The following COG5 variants were observed in gnomAD, a reference collection of about 807,000 sequenced individuals.
COG5 encodes conserved oligomeric Golgi complex subunit 5.
In COG5, 86 loss-of-function variants were observed where a neutral mutation model predicts 110.4. The ratio of observed to expected loss-of-function variants is 0.78; its 90% confidence interval spans 0.65 to 0.93. The LOEUF is 0.93. Among genes scored for constraint, COG5 ranks in the 40% least tolerant of loss-of-function variants. The probability of loss-of-function intolerance (pLI) is 0.00; values close to 1 mark genes in which losing one functional copy is unlikely to be tolerated. For missense variants in COG5, 1,077 were observed against 987.0 expected, an observed-to-expected ratio of 1.09 and a Z score of -1.22; for synonymous variants, 360 against 334.6, an observed-to-expected ratio of 1.08 and a Z score of -0.83.
At chr7:107,242,368 A>C (rs987918240) in intron 17 of COG5, among the ~76,000 whole-genome samples, 9 of 152,318 alleles carry the variant, frequency 5.9e-5, no homozygotes, top group Admixed American at 3.3e-4. Context: ...ATCCGAGTCT[A>C]CTAGGGACTG....
At chr7:107,379,132 A>G in intron 7 of COG5, among the ~76,000 whole-genome samples, 1 of 152,218 alleles carries the variant, frequency 6.6e-6, no homozygotes, top group Non-Finnish European at 1.5e-5. Context: ...TTCTTAAAGA[A>G]AAGAATTTTC....
intron 10 of COG5, among the ~76,000 whole-genome samples, chr7:107,352,225 C>A (rs1303446529): frequency 1.4e-5 from 2 of 142,880 alleles, no homozygotes; most frequent in Admixed American, 7.3e-5. Flanking sequence ...AACCAAACAC[C>A]GCATGTTCTC....
chr7:107,504,753 T>C (rs149756226), intron 6 of COG5, among the ~76,000 whole-genome samples: 18 of 152,330 alleles, frequency 1.2e-4, no homozygotes, highest in African/African-American at 4.1e-4. Flanking sequence ...CAGGAATTTA[T>C]CCATTTCCTC....
chr7:107,361,304 T>C (rs1813092532), intron 10 of COG5, among the ~76,000 whole-genome samples: 1 of 152,106 alleles, frequency 6.6e-6, no homozygotes, highest in Non-Finnish European at 1.5e-5. Flanking sequence ...GATCTCAGAA[T>C]ATGGAAAATG....
rs546425712 is a variant in COG5, at chr7:107,422,075, C to T, written c.539-9443G>A. 2.0e-3 allele frequency among the ~76,000 whole-genome samples: 301 copies of T among 151,884 alleles called. 2 individuals carry two copies. Among genetic ancestry groups the T allele is most frequent in the African/African-American group, 6.9e-3 (284 of 41,422 alleles). On this transcript the variant is annotated intron_variant, in intron 6 of 21. Transcript: ENST00000297135. ...AAACTAGAAAAAAGGTAAAATAAAT[C>T]CAAAATTAGAACTAATAAAGAAGAT...
chr7:107,441,710 A>G (rs1313617199), intron 6 of COG5, among the ~76,000 whole-genome samples: 3 of 152,184 alleles, frequency 2.0e-5, no homozygotes, highest in African/African-American at 7.2e-5. Context: ...CATCTTCTGA[A>G]TTTTCACAGC....
chr7:107,384,464 C>T (rs1383634708), intron 7 of COG5, among the ~76,000 whole-genome samples: 5 of 152,074 alleles, frequency 3.3e-5, no homozygotes, highest in Admixed American at 1.3e-4. Context: ...TTTGAACTGC[C>T]GGGCAGGAAG....
intron 14 of COG5, among the ~76,000 whole-genome samples, chr7:107,265,867 C>G (rs990998890): frequency 6.6e-6 from 1 of 151,992 alleles, no homozygotes; most frequent in African/African-American, 2.4e-5. Context: ...CCAACCTGAG[C>G]AACATAGTGA....
chr7:107,342,341 TAA>T (rs1485456643), intron 10 of COG5, among the ~76,000 whole-genome samples: 2 of 69,366 alleles, frequency 2.9e-5, no homozygotes, highest in African/African-American at 5.6e-5. Context: ...ATAGCTATTA[TAA>T]AAGAGTCAAA....
chr7:107,342,483 G>C (rs1252094321), intron 10 of COG5, among the ~76,000 whole-genome samples: 6 of 151,586 alleles, frequency 4.0e-5, no homozygotes, highest in Non-Finnish European at 8.8e-5. Flanking sequence ...TTTGAGACAA[G>C]CATGGCCAAC....
intron 5 of COG5, among the ~76,000 whole-genome samples, chr7:107,531,147 G>A (rs1450956066): frequency 2.0e-5 from 3 of 150,526 alleles, no homozygotes; most frequent in South Asian, 4.2e-4. Flanking sequence ...ATTGCAATTT[G>A]TTGAATATAT....
At chr7:107,357,697 C>T (rs1812753709) in intron 10 of COG5, among the ~76,000 whole-genome samples, 2 of 152,022 alleles carry the variant, frequency 1.3e-5, no homozygotes, top group South Asian at 4.1e-4. Context: ...CTGAAAGGGT[C>T]TCACTTTATT....
chr7:107,434,194 T>C (rs993104892), intron 6 of COG5, among the ~76,000 whole-genome samples: 4 of 152,000 alleles, frequency 2.6e-5, no homozygotes, highest in Admixed American at 2.0e-4. Context: ...TGTAGAAAAA[T>C]TGGAACCTTT....
intron 7 of COG5, among the ~76,000 whole-genome samples, chr7:107,385,670 G>T (rs1032856212): frequency 6.6e-6 from 1 of 152,146 alleles, no homozygotes; most frequent in Non-Finnish European, 1.5e-5. Context: ...GATTCATAAA[G>T]ACACAAAGTA....
At chr7:107,501,749 T>C (rs1314336060) in intron 6 of COG5, among the ~76,000 whole-genome samples, 2 of 152,160 alleles carry the variant, frequency 1.3e-5, no homozygotes, top group African/African-American at 4.8e-5. Flanking sequence ...CATAAGCCTT[T>C]CTGGCCATTT....
At chr7:107,510,506 A>C (rs1285122077) in intron 6 of COG5, among the ~76,000 whole-genome samples, 1 of 152,218 alleles carries the variant, frequency 6.6e-6, no homozygotes, top group Non-Finnish European at 1.5e-5. Flanking sequence ...GAAAGTTAAA[A>C]AGGATACCCA....
intron 6 of COG5, among the ~76,000 whole-genome samples, chr7:107,508,832 G>C (rs573646524): frequency 1.1e-4 from 16 of 152,274 alleles, no homozygotes; most frequent in African/African-American, 3.6e-4. Flanking sequence ...CTGTAGCAGA[G>C]GGTCCTGTCT....
chr7:107,412,620 T>C lies in COG5; in HGVS notation c.551A>G (p.Gln184Arg), dbSNP rs753818358. The change falls in exon 7 of 22, where the codon CAA (glutamine) becomes CGA (arginine). Residue 184 changes from glutamine (Q) to arginine (R), a missense_variant. Coordinates refer to ENST00000297135, the MANE Select transcript of COG5 (RefSeq NM_006348.5). Reference protein sequence around the residue: ...QSLNELDYLSQGIDLSGIEVI... With the variant: ...QSLNELDYLSRGIDLSGIEVI... ...TTCTATTCCAGAAAGATCTATTCCT[T>C]GAGAAAGATAATCTGTTTAAAACAA... The C allele has an allele frequency of 1.4e-5, 22 of 1,538,660 alleles. No individual in the cohort carries two copies. The highest frequency in any genetic ancestry group is 2.7e-5 in the African/African-American group (2 of 73,258).
intron 6 of COG5, among the ~76,000 whole-genome samples, chr7:107,479,631 T>C (rs1214871278): frequency 6.6e-6 from 1 of 152,064 alleles, no homozygotes; most frequent in Non-Finnish European, 1.5e-5. Flanking sequence ...AAGAAACAGA[T>C]TACCCGCAAT....
Sources: allele counts gnomAD v4.1 joint callset (sites outside exome capture counted in the v4.1 genomes callset), GRCh38; gene constraint gnomAD v4.1.1; transcripts MANE v1.5; gene names NCBI Gene and HGNC (gene_info 2026-07-23, HGNC 2026-07-21).